Variants in MOB3B observed in about 807,000 individuals in gnomAD.
The protein encoded by MOB3B is MOB kinase activator 3B, also known as MOB kinase activator-like 2B.
A neutral mutation model predicts 18.7 loss-of-function variants in MOB3B; 7 were observed. That is an observed-to-expected ratio of 0.37 (90% confidence interval 0.21 to 0.70). The LOEUF (loss-of-function observed/expected upper bound fraction) is 0.70. Among genes scored for constraint, MOB3B ranks in the 30% least tolerant of loss-of-function variants. The probability of loss-of-function intolerance (pLI) is 0.52; values close to 1 mark genes in which losing one functional copy is unlikely to be tolerated. For missense variants in MOB3B, 253 were observed against 281.3 expected (o/e 0.90, Z 0.72); for synonymous variants, 111 against 99.9 (o/e 1.11, Z -0.66).
chr9:27,498,909 T>C (rs1193489256), intron 1 of MOB3B, among the ~76,000 whole-genome samples: 1 of 152,196 alleles, frequency 6.6e-6, no homozygotes. Context: ...AAACAAAACA[T>C]CTCTGTGGGC....
Position 27,473,316 on chromosome 9 carries a change from G to A in MOB3B, c.-198-17568C>T, listed in dbSNP as rs147348360. Among the ~76,000 whole-genome samples the A allele has an allele frequency of 9.2e-3, 1,402 of 152,252 alleles. 27 individuals are homozygous for A. Among genetic ancestry groups the A allele is most frequent in the African/African-American group, 0.032 (1,327 of 41,542 alleles). ...TGTGAGTACAATCTGCCCAGTGTCT[G>A]AGGGAGGCAAAGGGGGAGGGTGGGG... On this transcript the variant is annotated intron_variant, in intron 1 of 3. Transcript: ENST00000262244.
chr9:27,517,567 G>A (rs945357993), intron 1 of MOB3B, among the ~76,000 whole-genome samples: 1 of 144,394 alleles, frequency 6.9e-6, no homozygotes, highest in Non-Finnish European at 1.5e-5. Flanking sequence ...AGAATTGCTT[G>A]AGCCCGGGAG....
At chr9:27,336,468 C>A (rs1241739056) in intron 3 of MOB3B, among the ~76,000 whole-genome samples, 7 of 152,038 alleles carry the variant, frequency 4.6e-5, no homozygotes, top group African/African-American at 1.7e-4. Flanking sequence ...GGAAGAAAAG[C>A]AGTATGAAGA....
At chr9:27,502,102 C>G (rs954508864) in intron 1 of MOB3B, among the ~76,000 whole-genome samples, 1 of 152,254 alleles carries the variant, frequency 6.6e-6, no homozygotes, top group African/African-American at 2.4e-5. Context: ...ACAAATGTGA[C>G]AGATCTCCAG....
At chr9:27,408,135 C>A (rs182033255) in intron 2 of MOB3B, among the ~76,000 whole-genome samples, 2 of 152,100 alleles carry the variant, frequency 1.3e-5, no homozygotes, top group Admixed American at 6.6e-5. Context: ...CATGTGCCTC[C>A]GAAATAATGT....
intron 1 of MOB3B, among the ~76,000 whole-genome samples, chr9:27,482,949 C>T (rs1181919306): frequency 6.6e-6 from 1 of 152,090 alleles, no homozygotes; most frequent in African/African-American, 2.4e-5. Context: ...TTGAACAGGC[C>T]TCCTGCTAAC....
At chr9:27,331,880 C>T (rs527513535) in intron 3 of MOB3B, among the ~76,000 whole-genome samples, 3 of 152,252 alleles carry the variant, frequency 2.0e-5, no homozygotes, top group Non-Finnish European at 2.9e-5. Flanking sequence ...GCGTTCTATT[C>T]GAAAACCATA....
At chr9:27,487,132 A>AAAAT (rs56371907) in intron 1 of MOB3B, among the ~76,000 whole-genome samples, 4,766 of 145,224 alleles carry the variant, frequency 0.033, 279 homozygotes, top group African/African-American at 0.11. Flanking sequence ...TTCTGTCTCA[A>AAAAT]AAATAAATAA....
At chr9:27,520,730 T>C (rs1045990136) in intron 1 of MOB3B, among the ~76,000 whole-genome samples, 1 of 152,122 alleles carries the variant, frequency 6.6e-6, no homozygotes, top group Non-Finnish European at 1.5e-5. Flanking sequence ...TGCAATCAAA[T>C]GTAACTCTGC....
intron 2 of MOB3B, among the ~76,000 whole-genome samples, chr9:27,366,470 C>A (rs1395748140): frequency 6.6e-6 from 1 of 152,156 alleles, no homozygotes; most frequent in Admixed American, 6.5e-5. Context: ...CCTTTTCAGG[C>A]ACCTCTGAAA....
chr9:27,360,146 A>T (rs2131357345), intron 2 of MOB3B, among the ~76,000 whole-genome samples: 1 of 152,302 alleles, frequency 6.6e-6, no homozygotes, highest in South Asian at 2.1e-4. Flanking sequence ...GAACATAGTG[A>T]AAGCTTATTA....
At chr9:27,481,518 TTG>T (rs1563879367) in intron 1 of MOB3B, among the ~76,000 whole-genome samples, 3 of 138,266 alleles carry the variant, frequency 2.2e-5, no homozygotes, top group Non-Finnish European at 4.7e-5. Flanking sequence ...TTTGTTTTTT[TTG>T]TTTTTTTTTT....
At chr9:27,521,908 T>G (rs1465473479) in intron 1 of MOB3B, among the ~76,000 whole-genome samples, 1 of 152,110 alleles carries the variant, frequency 6.6e-6, no homozygotes, top group Non-Finnish European at 1.5e-5. Context: ...TTTTTCCTTT[T>G]TTAATGTATC....
chr9:27,364,171 T>A (rs1445325603), intron 2 of MOB3B, among the ~76,000 whole-genome samples: 1 of 152,180 alleles, frequency 6.6e-6, no homozygotes, highest in East Asian at 1.9e-4. Context: ...AACGGACACT[T>A]GGCTAGCTAC....
At chr9:27,506,832 ATTTTTTTT>A (rs71492749) in intron 1 of MOB3B, among the ~76,000 whole-genome samples, 1,332 of 120,484 alleles carry the variant, frequency 0.011, 34 homozygotes, top group African/African-American at 0.039. Context: ...ACCCCGGCTA[ATTTTTTTT>A]TTTTTTTTTT....
chr9:27,360,910 G>A (rs1015134720), intron 2 of MOB3B, among the ~76,000 whole-genome samples: 8 of 152,100 alleles, frequency 5.3e-5, no homozygotes, highest in African/African-American at 7.2e-5. Context: ...TTGAGGGTGC[G>A]GTAGAGCCAA....
At chr9:27,369,641 C>A (rs1821384859) in intron 2 of MOB3B, among the ~76,000 whole-genome samples, 1 of 152,204 alleles carries the variant, frequency 6.6e-6, no homozygotes. Context: ...CAGTGGTCCA[C>A]CATCATTTCT....
chr9:27,353,706 T>C (rs182587578), intron 3 of MOB3B, among the ~76,000 whole-genome samples: 112 of 152,302 alleles, frequency 7.4e-4, no homozygotes, highest in African/African-American at 2.6e-3. Context: ...GTCCTCCCCC[T>C]GCCCTAATCA....
intron 2 of MOB3B, among the ~76,000 whole-genome samples, chr9:27,374,910 A>G (rs1821470351): frequency 6.6e-6 from 1 of 152,112 alleles, no homozygotes; most frequent in Admixed American, 6.5e-5. Context: ...TTGAGAGGAA[A>G]AGTTACCTGT....
Sources: allele counts gnomAD v4.1 joint callset (sites outside exome capture counted in the v4.1 genomes callset), GRCh38; gene constraint gnomAD v4.1.1; transcripts MANE v1.5; gene names NCBI Gene and HGNC (gene_info 2026-07-23, HGNC 2026-07-21).